The following METTL24 variants were observed in gnomAD, a reference collection of about 807,000 sequenced individuals.
METTL24 encodes probable methyltransferase-like protein 24.
METTL24 carries 29 observed loss-of-function variants against 32.7 expected under a neutral mutation model. The observed-to-expected ratio is 0.89, with a 90% CI of 0.66 to 1.21. The LOEUF (loss-of-function observed/expected upper bound fraction) is 1.21. METTL24 is among the 50% of genes most tolerant of loss of function. METTL24 has a pLI of 0.00. For synonymous variants in METTL24, 163 were observed against 179.5 expected, an observed-to-expected ratio of 0.91 and a Z score of 0.73; for missense variants, 439 against 468.1, an observed-to-expected ratio of 0.94 and a Z score of 0.57.
chr6:110,324,519 G>A (rs1178562461), intron 1 of METTL24, among the ~76,000 whole-genome samples: 1 of 152,096 alleles, frequency 6.6e-6, no homozygotes, highest in African/African-American at 2.4e-5. Context: ...TGCAGAGCAG[G>A]GCTAACTCAC....
chr6:110,355,320 G>T (rs900485486), intron 1 of METTL24, among the ~76,000 whole-genome samples: 12 of 152,128 alleles, frequency 7.9e-5, no homozygotes, highest in Non-Finnish European at 1.2e-4. Flanking sequence ...GCAGGTAGAG[G>T]AGTGAGCATA....
intron 1 of METTL24, among the ~76,000 whole-genome samples, chr6:110,334,169 G>A (rs879735611): frequency 3.3e-5 from 5 of 152,050 alleles, no homozygotes; most frequent in Non-Finnish European, 5.9e-5. Context: ...GAGAGAACCT[G>A]CAACCCGGGG....
chr6:110,345,477 G>C (rs1315744822), intron 1 of METTL24, among the ~76,000 whole-genome samples: 5 of 152,150 alleles, frequency 3.3e-5, no homozygotes, highest in Admixed American at 1.3e-4. Flanking sequence ...ACATGCACAT[G>C]AATGTTCATT....
In METTL24 at chr6:110,358,150, G is replaced by T. The variant is rs1337056173; in HGVS notation, c.123C>A (p.Pro41=). 1 of 1,181,504 alleles carries T rather than the reference G, an allele frequency of 8.5e-7. No individual in the cohort carries two copies. Among genetic ancestry groups the T allele is most frequent in the Non-Finnish European group, 1.0e-6 (1 of 956,994 alleles). 73.2% of individuals were successfully genotyped at this position (1,181,504 alleles called of 1,614,324 possible). ...AELRRAGPGS[P]TRSAPPGPAW... The stretch of plus-strand genomic sequence containing the variant: ...CCGGGCCCGGCGGGGCGCTGCGGGT[G>T]GGGGACCCGGGCCCGGCGCGCCGCA... The change falls in exon 1 of 5, where the codon CCC becomes CCA. Residue 41 remains proline, a synonymous_variant. Transcript: ENST00000338882.
At chr6:110,290,233 C>T (rs970389460) in intron 4 of METTL24, among the ~76,000 whole-genome samples, 2 of 152,006 alleles carry the variant, frequency 1.3e-5, no homozygotes, top group Admixed American at 6.6e-5. Flanking sequence ...CAACTTTTGA[C>T]GAATGTATAT....
chr6:110,354,828 A>T lies in METTL24; in HGVS notation c.318+3127T>A, dbSNP rs112764661. On this transcript the variant is annotated intron_variant, in intron 1 of 4. Coordinates refer to ENST00000338882, the MANE Select transcript of METTL24 (RefSeq NM_001123364.3). ...AATTCAAGATCAACACTATCTAGGG[A>T]TTTGGGAAGGTTAGATGTATATCCC... 1.0e-3 allele frequency among the ~76,000 whole-genome samples: 156 copies of T among 152,350 alleles called. 1 individual carries two copies. The highest frequency in any genetic ancestry group is 2.8e-3 in the African/African-American group (115 of 41,584).
chr6:110,253,134 G>A (rs1242190008), intron 4 of METTL24, among the ~76,000 whole-genome samples: 1 of 152,166 alleles, frequency 6.6e-6, no homozygotes, highest in Non-Finnish European at 1.5e-5. Flanking sequence ...TGGCCCTCAG[G>A]AAAGGTGTCT....
At chr6:110,301,470 T>A (rs755985195) in intron 3 of METTL24, among the ~76,000 whole-genome samples, 9 of 152,178 alleles carry the variant, frequency 5.9e-5, no homozygotes, top group Admixed American at 2.0e-4. Context: ...AGTGTGCCAG[T>A]CCAGATCCTA....
At chr6:110,288,658 A>C (rs1027367130) in intron 4 of METTL24, among the ~76,000 whole-genome samples, 4 of 152,148 alleles carry the variant, frequency 2.6e-5, no homozygotes, top group African/African-American at 9.7e-5. Context: ...AGGGAGAGAG[A>C]GAGAAAAAGA....
chr6:110,246,062 A>C lies in METTL24; in HGVS notation c.985T>G (p.Phe329Val). 6.2e-7 allele frequency: 1 copy of C among 1,614,112 alleles called. No individual in the cohort carries two copies. The highest frequency in any genetic ancestry group is 1.1e-5 in the South Asian group (1 of 91,076). Residue 329 changes from phenylalanine (F) to valine (V), a missense_variant, in exon 5 of 5, where the codon TTC (phenylalanine) becomes GTC (valine). Coordinates refer to ENST00000338882, the MANE Select transcript of METTL24 (RefSeq NM_001123364.3). ...TCTTTGTAACTGTGAAAAAGCCTGAAATCCTTTTGTTCTAACTCTTTGAGA... is the reference window on the plus strand; with the variant it reads ...TCTTTGTAACTGTGAAAAAGCCTGACATCCTTTTGTTCTAACTCTTTGAGA... ...SLLKELEQKD[F>V]RLFHSYKDLS...
intron 4 of METTL24, among the ~76,000 whole-genome samples, chr6:110,249,079 G>A (rs1388897230): frequency 3.3e-5 from 5 of 151,878 alleles, no homozygotes; most frequent in Admixed American, 6.6e-5. Flanking sequence ...TGAATGTGAG[G>A]AATACATCGA....
chr6:110,338,878 T>A (rs953206219), intron 1 of METTL24, among the ~76,000 whole-genome samples: 5 of 152,164 alleles, frequency 3.3e-5, no homozygotes, highest in Admixed American at 2.0e-4. Context: ...CTATCGATAT[T>A]TGTTACTGCA....
intron 4 of METTL24, among the ~76,000 whole-genome samples, chr6:110,255,494 A>C (rs572307364): frequency 6.6e-6 from 1 of 152,254 alleles, no homozygotes; most frequent in South Asian, 2.1e-4. Context: ...GCACAAACGT[A>C]GGCAGGACTG....
Position 110,271,253 on chromosome 6 carries a change from C to T in METTL24, c.787-24993G>A, listed in dbSNP as rs560913320. Among the ~76,000 whole-genome samples, 25 of 152,176 alleles carry T rather than the reference C, an allele frequency of 1.6e-4. 1 individual carries two copies. The South Asian group carries it at 5.2e-3, about 32-fold the overall frequency. On this transcript the variant is annotated intron_variant, in intron 4 of 4. Coordinates refer to ENST00000338882, the MANE Select transcript of METTL24 (RefSeq NM_001123364.3). ...TTATCTAATAAGTTCATGCAGAAGA[C>T]AGCTTTCTAGTATCTTCAATTAAGA... is the stretch of plus-strand genomic sequence containing the variant.
chr6:110,253,564 A>G (rs563993152), intron 4 of METTL24, among the ~76,000 whole-genome samples: 3 of 152,218 alleles, frequency 2.0e-5, no homozygotes, highest in Non-Finnish European at 4.4e-5. Flanking sequence ...ACCAAAAAAT[A>G]TTTTCTTATA....
chr6:110,298,844 C>T (rs1376461757), intron 4 of METTL24, 78 bp downstream of exon 4: 17 of 1,230,960 alleles, frequency 1.4e-5, no homozygotes, highest in African/African-American at 3.0e-5. Context: ...GTCAATGTTG[C>T]TATTCTTGGT....
At chr6:110,311,067 T>C (rs1265424513) in intron 3 of METTL24, among the ~76,000 whole-genome samples, 1 of 152,172 alleles carries the variant, frequency 6.6e-6, no homozygotes, top group Non-Finnish European at 1.5e-5. Context: ...AGCTCAAAAC[T>C]GTTCCAACAC....
intron 1 of METTL24, among the ~76,000 whole-genome samples, chr6:110,335,562 CATTGTTTTTTT>C (rs1230430852): frequency 6.6e-4 from 71 of 106,848 alleles, no homozygotes; most frequent in Non-Finnish European, 1.1e-3. Flanking sequence ...TGTAGGGAAT[CATTGTTTTTTT>C]TTTTTTTTTT....
At chr6:110,268,455 T>C (rs1770897994) in intron 4 of METTL24, among the ~76,000 whole-genome samples, 1 of 152,140 alleles carries the variant, frequency 6.6e-6, no homozygotes. Context: ...TTGATAAAAA[T>C]GATAGAAGAA....
Sources: gnomAD v4.1 joint callset for allele counts (sites outside exome capture counted in the v4.1 genomes callset) on GRCh38, gnomAD v4.1.1 for gene constraint, MANE v1.5 for transcripts, NCBI Gene and HGNC (gene_info 2026-07-23, HGNC 2026-07-21) for gene names.